Variants in PARP12 observed in about 807,000 individuals in gnomAD.
The protein encoded by PARP12 is protein mono-ADP-ribosyltransferase PARP12.
A neutral mutation model predicts 72.4 loss-of-function variants in PARP12; 59 were observed. The observed-to-expected ratio is 0.81, with a 90% CI of 0.66 to 1.01. PARP12 has a LOEUF of 1.01. Ranked by LOEUF, PARP12 falls within the 50% of genes least tolerant of loss-of-function variation. The probability of loss-of-function intolerance (pLI) is 0.00; values close to 1 mark genes in which losing one functional copy is unlikely to be tolerated. For missense variants in PARP12, 851 were observed against 914.0 expected (o/e 0.93, Z 0.89); for synonymous variants, 403 against 371.4 (o/e 1.09, Z -0.98).
intron 8 of PARP12, chr7:140,033,973 G>A (rs948858134): frequency 3.6e-5 from 38 of 1,067,842 alleles, no homozygotes; most frequent in African/African-American, 1.0e-4. Context: ...GTCTAGACTC[G>A]CCTTCAGAGT....
chr7:140,051,625 A>C (rs1463335536), intron 4 of PARP12, among the ~76,000 whole-genome samples: 1 of 152,144 alleles, frequency 6.6e-6, no homozygotes, highest in Non-Finnish European at 1.5e-5. Flanking sequence ...TCCTGACCTC[A>C]AGTGATCCAC....
chr7:140,041,610 G>A (rs772994548), intron 6 of PARP12, 34 bp downstream of exon 6: 4 of 1,592,872 alleles, frequency 2.5e-6, no homozygotes, highest in Admixed American at 1.7e-5. Flanking sequence ...AGATCCTCAG[G>A]ACAAAACATT....
At chr7:140,047,334 C>T (rs912524303) in intron 4 of PARP12, among the ~76,000 whole-genome samples, 1 of 152,204 alleles carries the variant, frequency 6.6e-6, no homozygotes, top group East Asian at 1.9e-4. Context: ...TATGGGTTAT[C>T]ATGAGAGTGG....
intron 3 of PARP12, among the ~76,000 whole-genome samples, chr7:140,055,528 G>A (rs934579707): frequency 1.3e-5 from 2 of 152,076 alleles, no homozygotes; most frequent in East Asian, 1.9e-4. Flanking sequence ...GTCACCTGTC[G>A]TTATTCATCT....
intron 7 of PARP12, among the ~76,000 whole-genome samples, chr7:140,035,340 G>A (rs1208476405): frequency 6.6e-6 from 1 of 152,144 alleles, no homozygotes; most frequent in East Asian, 1.9e-4. Flanking sequence ...GGGTGTTACT[G>A]GCCTACTGGC....
intron 1 of PARP12, 45 bp downstream of exon 1, chr7:140,062,476 GC>G (rs1213780223): frequency 1.3e-6 from 2 of 1,494,558 alleles, no homozygotes; most frequent in African/African-American, 2.9e-5. Context: ...GTGCGTGAGG[GC>G]GCGCAGGACC....
chr7:140,026,666 C>T (rs1569526309), intron 10 of PARP12, among the ~76,000 whole-genome samples: 2 of 152,134 alleles, frequency 1.3e-5, no homozygotes, highest in Admixed American at 6.5e-5. Context: ...CTTGCTCCTG[C>T]ATGGAGCTGA....
At position 140,060,171 on chromosome 7, in the gene PARP12, G is replaced by A. The variant is rs566073049; in HGVS notation, c.327-2137C>T. ...CATTAACTCCACTTTGCAGATGAGG[G>A]AACTGAGACCTGGAGGTAAAGTCAC... On this transcript the variant is annotated intron_variant, in intron 1 of 11. Transcript: ENST00000263549. 2.0e-5 allele frequency among the ~76,000 whole-genome samples: 3 copies of A among 152,298 alleles called. No individual in the cohort carries two copies. In the South Asian group the frequency reaches 6.2e-4, roughly 32 times the overall value.
chr7:140,055,957 G>A (rs910985610), intron 3 of PARP12, among the ~76,000 whole-genome samples: 2 of 152,214 alleles, frequency 1.3e-5, no homozygotes, highest in Admixed American at 1.3e-4. Context: ...CAGCTGAGAG[G>A]GTTTGATTCT....
intron 1 of PARP12, among the ~76,000 whole-genome samples, chr7:140,059,166 G>C (rs920405360): frequency 6.6e-6 from 1 of 152,100 alleles, no homozygotes; most frequent in Non-Finnish European, 1.5e-5. Flanking sequence ...AATCCAATGT[G>C]TATTTACCAA....
chr7:140,024,417 C>G lies in PARP12; in HGVS notation c.*143G>C. The G allele has an allele frequency of 1.1e-6, 1 of 948,994 alleles. No individual in the cohort carries two copies. Among genetic ancestry groups the G allele is most frequent in the Non-Finnish European group, 1.6e-6 (1 of 613,108 alleles). The allele number at this position is 948,994 out of a possible 1,614,324, so 58.8% of individuals were successfully genotyped here. The stretch of plus-strand genomic sequence containing the variant: ...ACTTAAAAGTAAAAATCATTATTAG[C>G]AAGAGATTAAGAACATAACTTCATT... On this transcript the variant is annotated 3_prime_UTR_variant, in exon 12 of 12. Coordinates refer to ENST00000263549, the MANE Select transcript of PARP12 (RefSeq NM_022750.4).
At chr7:140,032,730 T>C (rs1027508650) in intron 8 of PARP12, among the ~76,000 whole-genome samples, 1 of 152,222 alleles carries the variant, frequency 6.6e-6, no homozygotes, top group East Asian at 1.9e-4. Context: ...ATAGATAGCA[T>C]GTTCCCTTTT....
chr7:140,049,467 TA>T (rs1816874642), intron 4 of PARP12, among the ~76,000 whole-genome samples: 1 of 152,028 alleles, frequency 6.6e-6, no homozygotes, highest in African/African-American at 2.4e-5. Flanking sequence ...TGAAAGGCAT[TA>T]GAGGAAATGA....
At position 140,059,361 on chromosome 7, in the gene PARP12, T is replaced by TACACAC. The variant is rs36173318; in HGVS notation, c.327-1333_327-1328dup. On this transcript the variant is annotated intron_variant, in intron 1 of 11. Coordinates refer to ENST00000263549, the MANE Select transcript of PARP12 (RefSeq NM_022750.4). ...ATATGTGCATGCGTGCAGGCGTGTA[T>TACACAC]ACACACACACACACACACACACACA... Among the ~76,000 whole-genome samples, 426 of 148,438 alleles carry TACACAC rather than the reference T, an allele frequency of 2.9e-3. 1 individual carries two copies. Among genetic ancestry groups the TACACAC allele is most frequent in the African/African-American group, 9.7e-3 (392 of 40,214 alleles).
intron 4 of PARP12, among the ~76,000 whole-genome samples, chr7:140,052,215 A>G (rs1030393685): frequency 6.6e-6 from 1 of 152,246 alleles, no homozygotes; most frequent in African/African-American, 2.4e-5. Flanking sequence ...CATAGAGTGG[A>G]AAGTTTGCTC....
Position 140,024,436 on chromosome 7 carries a change from C to A in PARP12, c.*124G>T, listed in dbSNP as rs1192691747. On this transcript the variant is annotated 3_prime_UTR_variant, in exon 12 of 12. Coordinates refer to ENST00000263549, the MANE Select transcript of PARP12 (RefSeq NM_022750.4). ...TATTAGCAAGAGATTAAGAACATAA[C>A]TTCATTGAGAGGTCAATGTTAAGAG... The A allele has an allele frequency of 9.4e-7, 1 of 1,065,324 alleles. No individual in the cohort carries two copies. The highest frequency in any genetic ancestry group is 1.4e-6 in the Non-Finnish European group (1 of 710,740). 66.0% of individuals were successfully genotyped at this position (1,065,324 alleles called of 1,614,324 possible).
At chr7:140,053,627 G>A (rs1434849214) in intron 4 of PARP12, among the ~76,000 whole-genome samples, 1 of 152,044 alleles carries the variant, frequency 6.6e-6, no homozygotes, top group African/African-American at 2.4e-5. Context: ...ATATATATGT[G>A]TGTGTATATA....
chr7:140,059,946 A>T (rs1817372242), intron 1 of PARP12, among the ~76,000 whole-genome samples: 1 of 152,334 alleles, frequency 6.6e-6, no homozygotes, highest in African/African-American at 2.4e-5. Flanking sequence ...ACAGCAAGAG[A>T]AAGGAAGAAC....
chr7:140,027,198 C>G, intron 10 of PARP12, 78 bp downstream of exon 10: 1 of 1,554,974 alleles, frequency 6.4e-7, no homozygotes, highest in Non-Finnish European at 8.8e-7. Context: ...TTCCTGGAAA[C>G]CCGGGCCACA....
Sources: allele counts gnomAD v4.1 joint callset (sites outside exome capture counted in the v4.1 genomes callset), GRCh38; gene constraint gnomAD v4.1.1; transcripts MANE v1.5; gene names NCBI Gene and HGNC (gene_info 2026-07-23, HGNC 2026-07-21).